Variants in IL1RAPL2 observed in about 807,000 individuals in gnomAD.
IL1RAPL2 encodes the protein X-linked interleukin-1 receptor accessory protein-like 2.
In IL1RAPL2, 3 loss-of-function variants were observed where a neutral mutation model predicts 44.1. That is an observed-to-expected ratio of 0.07 (90% confidence interval 0.03 to 0.18). The LOEUF is 0.18. Ranked by LOEUF, IL1RAPL2 falls within the 10% of genes least tolerant of loss-of-function variation. The probability of loss-of-function intolerance (pLI) is 1.00; values close to 1 mark genes in which losing one functional copy is unlikely to be tolerated. For synonymous variants in IL1RAPL2, 181 were observed against 178.8 expected, an observed-to-expected ratio of 1.01 and a Z score of -0.10; for missense variants, 391 against 496.4, an observed-to-expected ratio of 0.79 and a Z score of 2.02.
intron 2 of IL1RAPL2, among the ~76,000 whole-genome samples, chrX:104,803,551 G>T (rs933772549): frequency 8.9e-6 from 1 of 112,353 alleles, no homozygotes; most frequent in South Asian, 3.7e-4. Flanking sequence ...CTAAGTGGAA[G>T]AAATTCCCTT....
chrX:104,922,441 G>A (rs779692651), intron 2 of IL1RAPL2, among the ~76,000 whole-genome samples: 2 of 112,618 alleles, frequency 1.8e-5, no homozygotes, highest in African/African-American at 3.2e-5. Flanking sequence ...AATGAGATAA[G>A]CTTCCCAAGG....
chrX:105,549,772 C>T (rs149606840), intron 6 of IL1RAPL2, among the ~76,000 whole-genome samples: 6 of 111,680 alleles, frequency 5.4e-5, no homozygotes, highest in African/African-American at 1.6e-4. Flanking sequence ...ATCTACTCCA[C>T]AGAACCTAAC....
chrX:105,577,024 T>C (rs2037055359), intron 6 of IL1RAPL2, among the ~76,000 whole-genome samples: 1 of 111,495 alleles, frequency 9.0e-6, no homozygotes, highest in African/African-American at 3.3e-5. Context: ...TCAAGTGTTA[T>C]TGCAACTAGG....
intron 5 of IL1RAPL2, among the ~76,000 whole-genome samples, chrX:105,334,706 A>G (rs1342243500): frequency 2.7e-5 from 3 of 110,981 alleles, no homozygotes; most frequent in African/African-American, 6.5e-5. Flanking sequence ...TTTTTGGGAG[A>G]AATCTCTCTC....
chrX:105,387,914 C>T (rs996339020), intron 5 of IL1RAPL2, among the ~76,000 whole-genome samples: 2 of 107,179 alleles, frequency 1.9e-5, no homozygotes, highest in African/African-American at 3.4e-5. Context: ...TTTGGGAGAC[C>T]GAGGCGGGTG....
At chrX:104,737,195 GA>G (rs920981411) in intron 2 of IL1RAPL2, among the ~76,000 whole-genome samples, 10 of 110,561 alleles carry the variant, frequency 9.0e-5, no homozygotes, top group African/African-American at 2.0e-4. Flanking sequence ...GGAACCACAG[GA>G]AAAAAAAATC....
intron 6 of IL1RAPL2, among the ~76,000 whole-genome samples, chrX:105,558,246 C>T (rs1216306922): frequency 1.8e-5 from 2 of 111,211 alleles, no homozygotes. Flanking sequence ...AAAATCTTTT[C>T]GTGTAAAATG....
chrX:104,858,673 T>C (rs1222961450), intron 2 of IL1RAPL2, among the ~76,000 whole-genome samples: 1 of 112,305 alleles, frequency 8.9e-6, no homozygotes, highest in East Asian at 2.8e-4. Flanking sequence ...CTGTTTGGTC[T>C]TGGTTTAGTA....
chrX:105,295,713 A>G (rs1379011828), intron 5 of IL1RAPL2, among the ~76,000 whole-genome samples: 1 of 112,288 alleles, frequency 8.9e-6, no homozygotes, highest in Non-Finnish European at 1.9e-5. Context: ...ATACATGCAC[A>G]TTGGCTCATG....
intron 2 of IL1RAPL2, among the ~76,000 whole-genome samples, chrX:104,987,861 G>A (rs1340498977): frequency 2.7e-5 from 3 of 111,683 alleles, no homozygotes; most frequent in Non-Finnish European, 3.8e-5. Context: ...CAGGCAAGAG[G>A]TATGGTAGCA....
chrX:104,808,003 G>A (rs752589899), intron 2 of IL1RAPL2, among the ~76,000 whole-genome samples: 1 of 111,968 alleles, frequency 8.9e-6, no homozygotes, highest in Admixed American at 9.5e-5. Flanking sequence ...GCTAGGCATT[G>A]CTGTCATTTC....
At chrX:105,385,265 C>T (rs925996535) in intron 5 of IL1RAPL2, among the ~76,000 whole-genome samples, 3 of 110,656 alleles carry the variant, frequency 2.7e-5, no homozygotes, top group Non-Finnish European at 3.8e-5. Context: ...TGGCCTGTAT[C>T]ATGTAGTCAG....
At position 105,447,108 on chromosome X, in the gene IL1RAPL2, A is replaced by AATAT. The variant is rs2035964111; in HGVS notation, c.698-37204_698-37203insTATA. Among the ~76,000 whole-genome samples the AATAT allele has an allele frequency of 2.0e-3, 41 of 20,587 alleles. 1 individual carries two copies. The highest frequency in any genetic ancestry group is 9.5e-3 in the African/African-American group (40 of 4,213). The allele number at this position is 20,587 out of a possible 115,157, so 17.9% of individuals were successfully genotyped here. On this transcript the variant is annotated intron_variant, in intron 5 of 10. Transcript: ENST00000372582. ...ATATATATATATATATATATATATA[A>AATAT]AAATATATATAAATATAAATATATA...
Position 105,072,874 on chromosome X carries a change from C to A in IL1RAPL2, c.83-122601C>A, listed in dbSNP as rs6621914. The stretch of plus-strand genomic sequence containing the variant: ...AATGAATCCATGTGTTCTCATTGTT[C>A]AGCTCCTACTTACGAGTGAGAACAT... On this transcript the variant is annotated intron_variant, in intron 2 of 10. Transcript: ENST00000372582. Among the ~76,000 whole-genome samples the A allele has an allele frequency of 5.5e-4, 60 of 108,769 alleles. No individual in the cohort carries two copies. The East Asian group carries it at 0.012, about 21-fold the overall frequency. 94.5% of individuals were successfully genotyped at this position (108,769 alleles called of 115,157 possible).
At chrX:104,880,146 T>G (rs1273461579) in intron 2 of IL1RAPL2, among the ~76,000 whole-genome samples, 1 of 111,462 alleles carries the variant, frequency 9.0e-6, no homozygotes, top group Non-Finnish European at 1.9e-5. Context: ...GCTAGTCATC[T>G]CCTCTGACAA....
At chrX:104,890,043 T>C (rs189219092) in intron 2 of IL1RAPL2, among the ~76,000 whole-genome samples, 1 of 111,086 alleles carries the variant, frequency 9.0e-6, no homozygotes, top group Admixed American at 9.6e-5. Flanking sequence ...AGTGAGAACA[T>C]GCAGTGTTTG....
At chrX:104,795,665 T>C (rs1443821788) in intron 2 of IL1RAPL2, among the ~76,000 whole-genome samples, 1 of 111,313 alleles carries the variant, frequency 9.0e-6, no homozygotes, top group Admixed American at 9.6e-5. Flanking sequence ...GAGGTATGTA[T>C]AAGTTTGCCG....
intron 2 of IL1RAPL2, among the ~76,000 whole-genome samples, chrX:104,675,266 T>C (rs1930721779): frequency 9.0e-6 from 1 of 111,498 alleles, no homozygotes; most frequent in Non-Finnish European, 1.9e-5. Flanking sequence ...ACACACTGCT[T>C]TAAATGCGTC....
chrX:105,012,182 G>A (rs2031060021), intron 2 of IL1RAPL2, among the ~76,000 whole-genome samples: 1 of 110,942 alleles, frequency 9.0e-6, no homozygotes, highest in African/African-American at 3.3e-5. Context: ...GCCTCAGAAA[G>A]GCAAAGATTT....
Sources: gnomAD v4.1 joint callset for allele counts (sites outside exome capture counted in the v4.1 genomes callset) on GRCh38, gnomAD v4.1.1 for gene constraint, MANE v1.5 for transcripts, NCBI Gene and HGNC (gene_info 2026-07-23, HGNC 2026-07-21) for gene names.